Variants in BMP7 observed in about 807,000 individuals in gnomAD.
BMP7 encodes bone morphogenetic protein 7.
A neutral mutation model predicts 41.2 loss-of-function variants in BMP7; 12 were observed. The ratio of observed to expected loss-of-function variants is 0.29; its 90% CI spans 0.19 to 0.47. The LOEUF (loss-of-function observed/expected upper bound fraction) is 0.47, where lower values mean the gene tolerates loss of function less well. Among genes scored for constraint, BMP7 ranks in the 20% least tolerant of loss-of-function variants. The pLI is 0.99. For missense variants in BMP7, 467 were observed against 606.0 expected (o/e 0.77, Z 2.41); for synonymous variants, 248 against 250.0 (o/e 0.99, Z 0.07).
intron 3 of BMP7, among the ~76,000 whole-genome samples, chr20:57,200,693 G>T (rs762049643): frequency 3.3e-4 from 50 of 152,194 alleles, no homozygotes; most frequent in Non-Finnish European, 6.3e-4. Context: ...CTACTCAAGC[G>T]CTGAAGCAGG....
At chr20:57,247,775 C>T (rs1248474044) in intron 1 of BMP7, among the ~76,000 whole-genome samples, 1 of 152,142 alleles carries the variant, frequency 6.6e-6, no homozygotes, top group African/African-American at 2.4e-5. Context: ...TCATCCTCCA[C>T]TCAGGGGAAA....
intron 2 of BMP7, among the ~76,000 whole-genome samples, chr20:57,211,142 G>GCA (rs2123099472): frequency 6.6e-6 from 1 of 152,316 alleles, no homozygotes; most frequent in South Asian, 2.1e-4. Flanking sequence ...GGCACCTACT[G>GCA]CACACTAGGC....
chr20:57,179,061 G>A (rs769446653), intron 4 of BMP7, among the ~76,000 whole-genome samples: 96 of 152,240 alleles, frequency 6.3e-4, no homozygotes, highest in Non-Finnish European at 8.7e-4. Context: ...AGCTCATGAA[G>A]CTAGTTATGG....
chr20:57,189,337 A>C (rs1321011682), intron 3 of BMP7, among the ~76,000 whole-genome samples: 1 of 152,166 alleles, frequency 6.6e-6, no homozygotes, highest in African/African-American at 2.4e-5. Flanking sequence ...CCTCCCATCC[A>C]TCCCCAGGCG....
rs766885403 is a variant in BMP7 at position 57,174,389 on chromosome 20, C to G, written c.1035+542G>C. Among the ~76,000 whole-genome samples, 6 of 152,164 alleles carry G rather than the reference C, an allele frequency of 3.9e-5. No homozygotes were observed. The highest frequency in any genetic ancestry group is 7.2e-5 in the African/African-American group (3 of 41,438). On this transcript the variant is annotated intron_variant, in intron 5 of 6. Coordinates refer to ENST00000395863, the MANE Select transcript of BMP7 (RefSeq NM_001719.3). This position sits in a 1 kb window ranked among gnomAD's most constrained non-coding sequence, Gnocchi z 4.3. ...CTCACGGCAGGTGGATCACATGACC[C>G]TCACTCCTCTCCTAGGATTCATCCC...
intron 2 of BMP7, among the ~76,000 whole-genome samples, chr20:57,209,261 ATATATATATATATATATATATATATG>A (rs1183292177): frequency 8.3e-6 from 1 of 120,266 alleles, no homozygotes; most frequent in Non-Finnish European, 1.6e-5. Flanking sequence ...ATATATATAT[ATATATATATATATATATATATATATG>A]TATATAAATT....
chr20:57,265,355 G>A (rs1191505571), intron 1 of BMP7, among the ~76,000 whole-genome samples: 1 of 152,200 alleles, frequency 6.6e-6, no homozygotes, highest in African/African-American at 2.4e-5. Context: ...TTTACATCCA[G>A]GTAGCGCGAG....
At chr20:57,176,132 C>T (rs949451910) in intron 4 of BMP7, among the ~76,000 whole-genome samples, 2 of 152,186 alleles carry the variant, frequency 1.3e-5, no homozygotes, top group Non-Finnish European at 2.9e-5. Flanking sequence ...GAAAAAGTTC[C>T]CACATTCCTA....
chr20:57,217,365 C>CA (rs1198012623), intron 2 of BMP7, among the ~76,000 whole-genome samples: 5 of 152,118 alleles, frequency 3.3e-5, no homozygotes, highest in African/African-American at 7.2e-5. Flanking sequence ...ACCCTTACCC[C>CA]AAAAAGGCTC....
At chr20:57,202,422 T>C in intron 3 of BMP7, 53 bp downstream of exon 3, 1 of 1,590,670 alleles carries the variant, frequency 6.3e-7, no homozygotes, top group African/African-American at 1.3e-5. Context: ...GAGACCCTCC[T>C]GAAGTCCAGG....
Position 57,213,627 on chromosome 20 carries a change from G to C in BMP7, c.612-11004C>G, listed in dbSNP as rs1264466176. ...AGAGAAATACAGCGACAAATGGAAG[G>C]CTCTCCCTCATTAGAGACACAGCCA... On this transcript the variant is annotated intron_variant, in intron 2 of 6. Coordinates refer to ENST00000395863, the MANE Select transcript of BMP7 (RefSeq NM_001719.3). The surrounding 1 kb of genome is among the most constrained non-coding windows in gnomAD (Gnocchi z 4.4). 6.6e-6 allele frequency among the ~76,000 whole-genome samples: 1 copy of C among 152,158 alleles called. No homozygotes were observed. Among genetic ancestry groups the C allele is most frequent in the South Asian group, 2.1e-4 (1 of 4,828 alleles).
In BMP7 at chr20:57,169,196, C is replaced by A. The variant is rs1983756513; in HGVS notation, c.*1763G>T. On this transcript the variant is annotated 3_prime_UTR_variant, in exon 7 of 7. Transcript: ENST00000395863. ...CCAAGCTACTAAAGAAGAAAAACAT[C>A]AAAGAAAATAAAAACAGAGCCCCGG... The A allele has an allele frequency of 6.6e-6, 1 of 152,296 alleles. No individual in the cohort carries two copies. The highest frequency in any genetic ancestry group is 1.9e-4 in the East Asian group (1 of 5,182). 9.4% of individuals were successfully genotyped at this position (152,296 alleles called of 1,614,324 possible).
intron 3 of BMP7, among the ~76,000 whole-genome samples, chr20:57,191,806 G>T (rs1984365021): frequency 4.3e-5 from 6 of 138,634 alleles, no homozygotes; most frequent in South Asian, 2.2e-4. Flanking sequence ...TTATATTATA[G>T]TATATATATG....
At chr20:57,203,405 G>A (rs544092662) in intron 2 of BMP7, among the ~76,000 whole-genome samples, 2 of 152,116 alleles carry the variant, frequency 1.3e-5, no homozygotes, top group South Asian at 2.1e-4. Flanking sequence ...GGATGGGTAC[G>A]TGGGTGAATG....
In BMP7 at chr20:57,219,270, G is replaced by C. The variant is rs796363926; in HGVS notation, c.611+8959C>G. ...GCTGGTAGCTGGTGTTTGCTGGTAGGTGGTGTTTGGTGGTAGGTAGCAGTG... is the reference window on the plus strand; with the variant it reads ...GCTGGTAGCTGGTGTTTGCTGGTAGCTGGTGTTTGGTGGTAGGTAGCAGTG... On this transcript the variant is annotated intron_variant, in intron 2 of 6. Transcript: ENST00000395863. Among the ~76,000 whole-genome samples, 22 of 149,498 alleles carry C rather than the reference G, an allele frequency of 1.5e-4. 4 individuals are homozygous for C. Among genetic ancestry groups the C allele is most frequent in the African/African-American group, 5.4e-4 (21 of 38,890 alleles).
chr20:57,186,175 C>T (rs1004478123), intron 3 of BMP7, among the ~76,000 whole-genome samples: 1 of 152,220 alleles, frequency 6.6e-6, no homozygotes, highest in Non-Finnish European at 1.5e-5. Context: ...TGTGTACAGC[C>T]TGACAAGCAA....
intron 1 of BMP7, among the ~76,000 whole-genome samples, chr20:57,234,901 G>A (rs1252426834): frequency 6.6e-6 from 1 of 152,198 alleles, no homozygotes; most frequent in Non-Finnish European, 1.5e-5. Context: ...TGTTGATAAC[G>A]TACACACAGT....
chr20:57,265,619 G>A (rs1040007631), intron 1 of BMP7, 86 bp downstream of exon 1: 7 of 1,525,972 alleles, frequency 4.6e-6, no homozygotes, highest in African/African-American at 4.1e-5. Context: ...AAAGCTGGGC[G>A]GGCTGCATAG....
chr20:57,173,057 TAACGGCG>T, intron 6 of BMP7, 136 bp downstream of exon 6: 1 of 813,344 alleles, frequency 1.2e-6, no homozygotes, highest in Admixed American at 2.0e-5. Flanking sequence ...GATTTTTTTT[TAACGGCG>T]CAAGGGGCCC....
Sources: gnomAD v4.1 joint callset for allele counts (sites outside exome capture counted in the v4.1 genomes callset) on GRCh38, gnomAD v4.1.1 for gene constraint, Gnocchi (gnomAD v3.1) non-coding constraint, MANE v1.5 for transcripts, NCBI Gene and HGNC (gene_info 2026-07-23, HGNC 2026-07-21) for gene names.